The following OCLN variants were observed in gnomAD, a reference collection of about 807,000 sequenced individuals.
OCLN encodes phosphatase 1, regulatory subunit 115.
In OCLN, 21 loss-of-function variants were observed where a neutral mutation model predicts 47.9. The ratio of observed to expected loss-of-function variants is 0.44; its 90% CI spans 0.31 to 0.63. The LOEUF (loss-of-function observed/expected upper bound fraction) is 0.63. Ranked by LOEUF, OCLN falls within the 30% of genes least tolerant of loss-of-function variation. The pLI, the probability that OCLN is intolerant of heterozygous loss-of-function variation, is 0.08. For synonymous variants in OCLN, 117 were observed against 198.4 expected, an observed-to-expected ratio of 0.59 and a Z score of 3.45; for missense variants, 360 against 571.0, an observed-to-expected ratio of 0.63 and a Z score of 3.77.
chr5:69,516,090 G>T (rs1348159416), intron 4 of OCLN, among the ~76,000 whole-genome samples: 1 of 151,662 alleles, frequency 6.6e-6, no homozygotes, highest in East Asian at 2.0e-4. Flanking sequence ...CTTCCCAGAC[G>T]GGGTGGCGGC....
chr5:69,550,097 G>C (rs1399724423), intron 7 of OCLN, among the ~76,000 whole-genome samples: 3 of 141,746 alleles, frequency 2.1e-5, no homozygotes, highest in African/African-American at 7.6e-5. Context: ...ATTTTCTATG[G>C]ATAGACATTT....
At chr5:69,498,348 G>T (rs922275628) in intron 1 of OCLN, among the ~76,000 whole-genome samples, 4 of 152,026 alleles carry the variant, frequency 2.6e-5, no homozygotes, top group Non-Finnish European at 4.4e-5. Context: ...GCAAAAATTA[G>T]CCTGGCCTGG....
At chr5:69,510,755 G>C (rs1442061682) in intron 3 of OCLN, among the ~76,000 whole-genome samples, 1 of 152,192 alleles carries the variant, frequency 6.6e-6, no homozygotes, top group African/African-American at 2.4e-5. Context: ...ATGATTTCTT[G>C]AGTTGGGTTA....
chr5:69,504,764 G>A (rs1378180490), intron 2 of OCLN, among the ~76,000 whole-genome samples: 1 of 151,448 alleles, frequency 6.6e-6, no homozygotes, highest in African/African-American at 2.4e-5. Context: ...GTGAACTCCC[G>A]TCTCTACTAA....
intron 2 of OCLN, among the ~76,000 whole-genome samples, chr5:69,507,650 G>A (rs751701004): frequency 6.6e-5 from 10 of 151,466 alleles, no homozygotes; most frequent in Non-Finnish European, 1.3e-4. Context: ...TTTTTGCCCA[G>A]GCTGGAGTGC....
chr5:69,497,020 C>G (rs1459815895), intron 1 of OCLN, among the ~76,000 whole-genome samples: 3 of 152,182 alleles, frequency 2.0e-5, no homozygotes, highest in Admixed American at 1.3e-4. Flanking sequence ...GGTCCTCTTT[C>G]ACCTTTGGCT....
chr5:69,500,050 C>T (rs1383231400), intron 1 of OCLN, among the ~76,000 whole-genome samples: 1 of 152,208 alleles, frequency 6.6e-6, no homozygotes. Flanking sequence ...AGAGATCTTG[C>T]TTAGTGTTGA....
At chr5:69,520,290 C>T (rs1225807945) in intron 4 of OCLN, among the ~76,000 whole-genome samples, 1 of 147,876 alleles carries the variant, frequency 6.8e-6, no homozygotes, top group East Asian at 2.1e-4. Context: ...ACTTAAGTTA[C>T]CACTATGGGG....
chr5:69,555,081 G>A lies in OCLN; in HGVS notation c.*1410G>A, dbSNP rs1481592476. The A allele has an allele frequency of 5.6e-5, 8 of 141,626 alleles. No individual in the cohort carries two copies. The highest frequency in any genetic ancestry group is 7.8e-5 in the Non-Finnish European group (5 of 64,292). 8.8% of individuals were successfully genotyped at this position (141,626 alleles called of 1,614,324 possible). A position where few individuals can be genotyped will look rare whatever the true frequency, so the allele number is the denominator to read the frequency against. On this transcript the variant is annotated 3_prime_UTR_variant, in exon 9 of 9. Transcript: ENST00000396442. The stretch of plus-strand genomic sequence containing the variant: ...CTCTCGAGTAGTTGAGACTACAGGT[G>A]CCCATCACCATGCGTGGCTAATTTT...
At chr5:69,496,087 A>G (rs969072079) in intron 1 of OCLN, among the ~76,000 whole-genome samples, 2 of 152,176 alleles carry the variant, frequency 1.3e-5, no homozygotes, top group Admixed American at 1.3e-4. Context: ...CATTTAATAT[A>G]AGGCACAACT....
chr5:69,516,878 G>T (rs1310219941), intron 4 of OCLN, among the ~76,000 whole-genome samples: 1 of 151,854 alleles, frequency 6.6e-6, no homozygotes. Flanking sequence ...GCAACATAAT[G>T]GGACCCTGTC....
At chr5:69,547,671 A>G (rs1769745189) in intron 6 of OCLN, among the ~76,000 whole-genome samples, 1 of 134,804 alleles carries the variant, frequency 7.4e-6, no homozygotes, top group Non-Finnish European at 1.6e-5. Flanking sequence ...TGTACCTTCA[A>G]TTTTGTAAAT....
At chr5:69,513,130 GA>G (rs1007625878) in intron 3 of OCLN, among the ~76,000 whole-genome samples, 82 of 152,114 alleles carry the variant, frequency 5.4e-4, no homozygotes, top group South Asian at 2.1e-4. Flanking sequence ...CTTACTCTTT[GA>G]AAAATGATGT....
intron 4 of OCLN, among the ~76,000 whole-genome samples, chr5:69,519,931 G>A (rs1333353601): frequency 1.3e-5 from 2 of 152,182 alleles, no homozygotes; most frequent in Non-Finnish European, 2.9e-5. Flanking sequence ...AAACCTGGTT[G>A]TTCAAGGGCC....
rs1036844240 is a variant in OCLN, at chr5:69,509,057, G to T, written c.51-84G>T. The T allele has an allele frequency of 8.5e-6, 10 of 1,179,974 alleles. No homozygotes were observed. In the African/African-American group the frequency reaches 1.5e-4, roughly 18 times the overall value. 73.1% of individuals were successfully genotyped at this position (1,179,974 alleles called of 1,614,324 possible). ...AAGCTTTAGTTTCATTTACCCAATGGTTTAAATTATTCCAAATAAGTTGTG... is the reference window on the plus strand; with the variant it reads ...AAGCTTTAGTTTCATTTACCCAATGTTTTAAATTATTCCAAATAAGTTGTG... On this transcript the variant is annotated intron_variant, in intron 2 of 8. Coordinates refer to ENST00000396442, the MANE Select transcript of OCLN (RefSeq NM_001205254.2).
intron 2 of OCLN, among the ~76,000 whole-genome samples, chr5:69,505,898 G>A (rs892774797): frequency 6.6e-6 from 1 of 152,164 alleles, no homozygotes; most frequent in Admixed American, 6.5e-5. Context: ...GTGGACAATA[G>A]CTGTGTGTCC....
At chr5:69,533,080 T>C (rs1202524919) in intron 4 of OCLN, among the ~76,000 whole-genome samples, 2 of 145,324 alleles carry the variant, frequency 1.4e-5, no homozygotes, top group African/African-American at 5.3e-5. Flanking sequence ...CACACACATA[T>C]ATATATATAC....
At chr5:69,518,858 CG>C (rs1561342040) in intron 4 of OCLN, among the ~76,000 whole-genome samples, 2 of 152,168 alleles carry the variant, frequency 1.3e-5, no homozygotes, top group South Asian at 2.1e-4. Flanking sequence ...ATGGCTGATT[CG>C]GGGGGAAAAG....
chr5:69,523,480 G>A (rs1389814900), intron 4 of OCLN, among the ~76,000 whole-genome samples: 1 of 151,556 alleles, frequency 6.6e-6, no homozygotes, highest in Non-Finnish European at 1.5e-5. Context: ...AACCCTAACT[G>A]AGCATTTCCA....
Sources: allele counts gnomAD v4.1 joint callset (sites outside exome capture counted in the v4.1 genomes callset), GRCh38; gene constraint gnomAD v4.1.1; transcripts MANE v1.5; gene names NCBI Gene and HGNC (gene_info 2026-07-23, HGNC 2026-07-21).